Variants in NBPF8 observed in about 807,000 individuals in gnomAD.
The protein encoded by NBPF8 is NBPF member 8, also known as NBPF family member NBPF8.
chr1:120,461,929 G>A (rs1260370188), intron 19 of NBPF8, among the ~76,000 whole-genome samples: 2 of 103,582 alleles, frequency 1.9e-5, no homozygotes, highest in Admixed American at 1.1e-4. Context: ...TTGGGACAAC[G>A]ATCTACCAGA....
upstream of NBPF8, among the ~76,000 whole-genome samples, chr1:120,419,294 C>T (rs1414719292): frequency 6.1e-4 from 93 of 152,242 alleles, no homozygotes; most frequent in African/African-American, 2.0e-3. Context: ...GAAAGCTCAG[C>T]GAGACAGCCT....
downstream of NBPF8, among the ~76,000 whole-genome samples, chr1:120,467,936 C>G (rs1298128025): frequency 2.7e-5 from 4 of 149,896 alleles, no homozygotes; most frequent in African/African-American, 7.4e-5. Flanking sequence ...CATTTGTATT[C>G]TTCGTGAGTG....
rs1553249026 is a variant in NBPF8, at chr1:120,452,320, AG to A, written n.2279del. The A allele has an allele frequency of 1.9e-5, 27 of 1,437,114 alleles. No homozygotes were observed. The African/African-American group carries it at 3.2e-4, about 17-fold the overall frequency. 89.0% of individuals were successfully genotyped at this position (1,437,114 alleles called of 1,614,324 possible). ...AGACTGGCACAGCACCTTGTCCAAAAGCTCAGCCCAGGTAAGGTGGCCATAG... is the reference window on the plus strand; with the variant it reads ...AGACTGGCACAGCACCTTGTCCAAAACTCAGCCCAGGTAAGGTGGCCATAG... On this transcript the variant is annotated non_coding_transcript_exon_variant, in exon 13 of 25. Transcript: ENST00000583271.
chr1:120,468,194 A>G (rs1348129476), downstream of NBPF8, among the ~76,000 whole-genome samples: 6,354 of 136,136 alleles, frequency 0.047, no homozygotes, highest in African/African-American at 0.13. Context: ...TTCTCATAAT[A>G]GTATTTGAAC....
intron 17 of NBPF8, among the ~76,000 whole-genome samples, chr1:120,459,740 C>T (rs1328237258): frequency 0.2 from 30,916 of 151,892 alleles, 3,988 homozygotes; most frequent in East Asian, 0.68. Context: ...CCTAGTCTCA[C>T]GCCATGCCCG....
chr1:120,419,359 A>C (rs2101422753), upstream of NBPF8, among the ~76,000 whole-genome samples: 1 of 152,324 alleles, frequency 6.6e-6, no homozygotes. Flanking sequence ...GATTCCAAAG[A>C]AGCATTAACT....
At chr1:120,415,169 G>A (rs1553244886), upstream of NBPF8, among the ~76,000 whole-genome samples, 4 of 152,288 alleles carry the variant, frequency 2.6e-5, no homozygotes, top group South Asian at 2.1e-4. Flanking sequence ...TTTTGGGAAC[G>A]CGGGACGGGC....
At chr1:120,466,038 A>T in exon 25 of NBPF8, 1 of 1,611,936 alleles carries the variant, frequency 6.2e-7, no homozygotes, top group Admixed American at 1.7e-5. Context: ...CACTGGATAG[A>T]TGTTATTCGA....
At chr1:120,422,080 GTTATTTTT>G (rs1467118072) in intron 1 of NBPF8, among the ~76,000 whole-genome samples, 1 of 152,092 alleles carries the variant, frequency 6.6e-6, no homozygotes, top group African/African-American at 2.4e-5. Flanking sequence ...AGTAATAGAT[GTTATTTTT>G]TAGAAAAGTT....
At chr1:120,428,535 A>G (rs1660784868) in intron 3 of NBPF8, among the ~76,000 whole-genome samples, 1 of 151,806 alleles carries the variant, frequency 6.6e-6, no homozygotes, top group Non-Finnish European at 1.5e-5. Context: ...GGAGAAATAA[A>G]CTCCCATCAG....
intron 15 of NBPF8, among the ~76,000 whole-genome samples, chr1:120,454,386 C>G (rs1249803967): frequency 6.6e-6 from 1 of 151,894 alleles, no homozygotes; most frequent in East Asian, 1.9e-4. Context: ...GGCCTCCTAG[C>G]TTCGATTCAG....
At chr1:120,469,673 C>A (rs1661862734), downstream of NBPF8, among the ~76,000 whole-genome samples, 1 of 150,256 alleles carries the variant, frequency 6.7e-6, no homozygotes, top group South Asian at 2.1e-4. Context: ...AACACTTTAC[C>A]TAACTCTGTG....
intron 11 of NBPF8, among the ~76,000 whole-genome samples, chr1:120,450,253 AAATAAG>A (rs1661227816): frequency 6.6e-6 from 1 of 151,704 alleles, no homozygotes; most frequent in South Asian, 2.1e-4. Context: ...TGATAAATAA[AAATAAG>A]AATAAAAAGC....
chr1:120,423,166 T>G (rs1462415653), intron 1 of NBPF8, among the ~76,000 whole-genome samples: 2 of 136,798 alleles, frequency 1.5e-5, no homozygotes, highest in Non-Finnish European at 3.0e-5. Context: ...TAGTAGATTG[T>G]GCTTTTGGTT....
intron 11 of NBPF8, among the ~76,000 whole-genome samples, chr1:120,450,426 T>C (rs1328304024): frequency 1.3e-5 from 2 of 151,872 alleles, no homozygotes; most frequent in Non-Finnish European, 2.9e-5. Context: ...TCCAAGTTGC[T>C]TGTCTTGTCT....
intron 15 of NBPF8, among the ~76,000 whole-genome samples, chr1:120,455,090 T>A (rs1182252513): frequency 6.7e-6 from 1 of 149,654 alleles, no homozygotes; most frequent in Non-Finnish European, 1.5e-5. Context: ...TAAGTCCATA[T>A]CGCAGCAACA....
intron 11 of NBPF8, among the ~76,000 whole-genome samples, chr1:120,450,799 CT>C (rs1161563819): frequency 6.6e-6 from 1 of 152,150 alleles, no homozygotes; most frequent in Non-Finnish European, 1.5e-5. Context: ...TCCTAGGGGC[CT>C]TCCCGACTGT....
upstream of NBPF8, among the ~76,000 whole-genome samples, chr1:120,435,749 C>G (rs1269587324): frequency 6.6e-6 from 1 of 151,390 alleles, no homozygotes; most frequent in Non-Finnish European, 1.5e-5. Flanking sequence ...GCCTGTATTC[C>G]CAGCTACTTG....
At chr1:120,455,454 C>A in exon 16 of NBPF8, 2 of 562,770 alleles carry the variant, frequency 3.6e-6, no homozygotes, top group East Asian at 5.7e-5. Context: ...GGACCAGTGT[C>A]TCCCAGGTAA....
Sources: gnomAD v4.1 joint callset for allele counts (sites outside exome capture counted in the v4.1 genomes callset) on GRCh38, gnomAD v4.1.1 for gene constraint, MANE v1.5 for transcripts, NCBI Gene and HGNC (gene_info 2026-07-23, HGNC 2026-07-21) for gene names.